The following ADCY7 variants were observed in gnomAD, a reference collection of about 807,000 sequenced individuals.
The protein encoded by ADCY7 is adenylate cyclase 7.
ADCY7 carries 72 observed loss-of-function variants against 120.6 expected under a neutral mutation model. That is an observed-to-expected ratio of 0.60 (90% CI 0.49 to 0.73). The LOEUF (loss-of-function observed/expected upper bound fraction) is 0.73, where lower values mean the gene tolerates loss of function less well. ADCY7 is among the 30% of genes least tolerant of loss of function. The probability of loss-of-function intolerance (pLI) is 0.00; values close to 1 mark genes in which losing one functional copy is unlikely to be tolerated. For synonymous variants in ADCY7, 661 were observed against 628.0 expected (o/e 1.05, Z -0.78); for missense variants, 1,227 against 1,486.0 (o/e 0.83, Z 2.87).
At chr16:50,280,801 C>T (rs2034211518) in intron 1 of ADCY7, among the ~76,000 whole-genome samples, 1 of 152,172 alleles carries the variant, frequency 6.6e-6, no homozygotes, top group South Asian at 2.1e-4. Context: ...CTGACACAGC[C>T]CCTCCTTTGC....
At chr16:50,258,614 A>AG (rs2032981437) in intron 1 of ADCY7, among the ~76,000 whole-genome samples, 6 of 148,866 alleles carry the variant, frequency 4.0e-5, no homozygotes, top group African/African-American at 1.5e-4. Context: ...TTTTTTTTGA[A>AG]ACATGGTCCC....
intron 5 of ADCY7, 76 bp downstream of exon 5, chr16:50,292,901 G>GTC: frequency 6.4e-7 from 1 of 1,551,870 alleles, no homozygotes; most frequent in Non-Finnish European, 8.7e-7. Context: ...AGACACTCAT[G>GTC]CTGCCATGTG....
At chr16:50,305,319 A>AGCTGGGCCAT (rs1018902415) in intron 12 of ADCY7, among the ~76,000 whole-genome samples, 184 bp from the exon 13 acceptor site, 2 of 152,168 alleles carry the variant, frequency 1.3e-5, no homozygotes, top group Non-Finnish European at 2.9e-5. Context: ...GCTGCTGGCC[A>AGCTGGGCCAT]GCTGGGCCAT....
chr16:50,305,668 C>T, intron 13 of ADCY7, 82 bp downstream of exon 13: 1 of 1,503,496 alleles, frequency 6.7e-7, no homozygotes, highest in South Asian at 1.1e-5. Flanking sequence ...CCATCTCATA[C>T]CCCATGCCTG....
At chr16:50,304,268 A>G in intron 10 of ADCY7, 92 bp from the exon 11 acceptor site, 1 of 1,238,368 alleles carries the variant, frequency 8.1e-7, no homozygotes, top group Middle Eastern at 3.0e-4. Flanking sequence ...GGGCGGCGTC[A>G]CACTTCAGGG....
At chr16:50,265,897 G>A (rs950428299), upstream of ADCY7, among the ~76,000 whole-genome samples, 2 of 152,224 alleles carry the variant, frequency 1.3e-5, no homozygotes, top group African/African-American at 2.4e-5. Flanking sequence ...TGATCCCAGT[G>A]GGGAAACTGA....
rs2036025151 is a variant in ADCY7, at chr16:50,305,797, A to G, written c.1700A>G (p.Asp567Gly). 6.2e-7 allele frequency: 1 copy of G among 1,613,868 alleles called. No individual in the cohort carries two copies. Among genetic ancestry groups the G allele is most frequent in the Non-Finnish European group, 8.5e-7 (1 of 1,179,968 alleles). Residue 567 changes from aspartate (D) to glycine (G), a missense_variant, in exon 14 of 26, where the codon GAT becomes GGT. Around this residue, in one of 5 missense-constraint regions of ADCY7, gnomAD observed 332 missense variants for 455.8 expected, o/e 0.73. Coordinates refer to ENST00000673801, the MANE Select transcript of ADCY7 (RefSeq NM_001114.5). Reference protein sequence around the residue: ...SSTRPCCSKSDDFYTFGSIFL... With the variant: ...SSTRPCCSKSGDFYTFGSIFL... ...CACAGGCCCTGCTGCTCCAAGTCCG[A>G]TGACTTCTACACCTTTGGGTCCATC...
intron 20 of ADCY7, 49 bp from the exon 21 acceptor site, chr16:50,311,987 G>A (rs374824782): frequency 1.1e-4 from 170 of 1,609,178 alleles, no homozygotes; most frequent in South Asian, 5.5e-4. Context: ...ACAGCAGCAC[G>A]GCTCCCACTT....
chr16:50,290,071 C>T (rs1369330228), intron 2 of ADCY7, among the ~76,000 whole-genome samples: 1 of 152,252 alleles, frequency 6.6e-6, no homozygotes, highest in South Asian at 2.1e-4. Context: ...TCACTGAGGG[C>T]CAGGCGCAGT....
At chr16:50,284,223 C>T (rs2034448190) in intron 1 of ADCY7, among the ~76,000 whole-genome samples, 1 of 152,188 alleles carries the variant, frequency 6.6e-6, no homozygotes, top group South Asian at 2.1e-4. Flanking sequence ...TCATTCCCCC[C>T]AGGCCTCACG....
chr16:50,294,615 C>CCCAA, intron 6 of ADCY7, 25 bp from the exon 7 acceptor site: 1 of 1,083,634 alleles, frequency 9.2e-7, no homozygotes, highest in Non-Finnish European at 1.4e-6. Context: ...CTCTGACACT[C>CCCAA]CCTCCCACCC....
upstream of ADCY7, among the ~76,000 whole-genome samples, chr16:50,263,519 A>G (rs928579867): frequency 5.9e-5 from 9 of 152,092 alleles, no homozygotes; most frequent in Non-Finnish European, 1.2e-4. Flanking sequence ...CTCATTATCA[A>G]ACTGCAGGGT....
chr16:50,276,444 G>A lies in ADCY7; in HGVS notation c.-269+9764G>A, dbSNP rs1046987814. 7.9e-5 allele frequency among the ~76,000 whole-genome samples: 12 copies of A among 152,332 alleles called. No individual in the cohort carries two copies. In the South Asian group the frequency reaches 1.2e-3, roughly 16 times the overall value. ...TGCCATCTAGACTGGGGCATTTTGC[G>A]CCAGGGGTGGCTCAGTACACTGCTT... On this transcript the variant is annotated intron_variant, in intron 1 of 25. Coordinates refer to ENST00000673801, the MANE Select transcript of ADCY7 (RefSeq NM_001114.5).
At chr16:50,257,922 TTTTGTAGAGA>T (rs2032959473) in intron 1 of ADCY7, among the ~76,000 whole-genome samples, 1 of 152,008 alleles carries the variant, frequency 6.6e-6, no homozygotes, top group Non-Finnish European at 1.5e-5. Context: ...TTTTTGTATT[TTTTGTAGAGA>T]CAGGATTTCA....
intron 1 of ADCY7, among the ~76,000 whole-genome samples, chr16:50,248,840 C>T (rs1596782421): frequency 6.6e-6 from 1 of 152,174 alleles, no homozygotes; most frequent in East Asian, 1.9e-4. Context: ...TATTTCAGTA[C>T]ACAATAGCCT....
At chr16:50,305,926 G>T (rs2036035378) in intron 14 of ADCY7, 77 bp downstream of exon 14, 1 of 1,436,662 alleles carries the variant, frequency 7.0e-7, no homozygotes, top group South Asian at 1.1e-5. Context: ...CGCAGGTCAT[G>T]GGGCAGCCTG....
chr16:50,314,073 C>T lies in ADCY7; in HGVS notation c.2856+11C>T. On this transcript the variant is annotated intron_variant, in intron 23 of 25. Transcript: ENST00000673801. ...GGGCACGAGAACCAGGTACTCAAGCCCAAGAGGTGAAATTCAGCTGACTGT... is the reference window on the plus strand; with the variant it reads ...GGGCACGAGAACCAGGTACTCAAGCTCAAGAGGTGAAATTCAGCTGACTGT... 1 of 1,611,964 alleles carries T rather than the reference C, an allele frequency of 6.2e-7. No homozygotes were observed. Among genetic ancestry groups the T allele is most frequent in the Non-Finnish European group, 8.5e-7 (1 of 1,178,288 alleles).
chr16:50,294,631 C>CCACCCCCCCAAACACAA lies in ADCY7; in HGVS notation c.837-9_837-8insCACCCCCCCAAACACAA. 1 of 1,545,266 alleles carries CCACCCCCCCAAACACAA rather than the reference C, an allele frequency of 6.5e-7. No homozygotes were observed. Among genetic ancestry groups the CCACCCCCCCAAACACAA allele is most frequent in the Non-Finnish European group, 8.9e-7 (1 of 1,123,010 alleles). On this transcript the variant is annotated splice_polypyrimidine_tract_variant and intron_variant, in intron 6 of 25. Coordinates refer to ENST00000673801, the MANE Select transcript of ADCY7 (RefSeq NM_001114.5). Reference sequence around the variant, plus strand: ...TCTGACACTCCCTCCCACCCTGCCCCATCCCCAGCATCCTCTATGCGGACA... The same window carrying CCACCCCCCCAAACACAA: ...TCTGACACTCCCTCCCACCCTGCCCCCACCCCCCCAAACACAAATCCCCAGCATCCTCTATGCGGACA...
intron 13 of ADCY7, 61 bp from the exon 14 acceptor site, chr16:50,305,716 C>T (rs1468819988): frequency 6.6e-7 from 1 of 1,523,634 alleles, no homozygotes; most frequent in Non-Finnish European, 9.1e-7. Flanking sequence ...CCTGCTGCCA[C>T]CTCCTGAGGG....
Sources: allele counts gnomAD v4.1 joint callset (sites outside exome capture counted in the v4.1 genomes callset), GRCh38; gene constraint gnomAD v4.1.1; regional missense constraint gnomAD v4.1.1; transcripts MANE v1.5; gene names NCBI Gene and HGNC (gene_info 2026-07-23, HGNC 2026-07-21).